The following SLC26A5 variants were observed in gnomAD, a reference collection of about 807,000 sequenced individuals.
SLC26A5 encodes the protein solute carrier family 26 member 5.
SLC26A5 carries 51 observed loss-of-function variants against 81.0 expected under a neutral mutation model. The ratio of observed to expected loss-of-function variants is 0.63; its 90% CI spans 0.50 to 0.80. SLC26A5 has a LOEUF of 0.80. Ranked by LOEUF, SLC26A5 falls within the 30% of genes least tolerant of loss-of-function variation. The pLI, the probability that SLC26A5 is intolerant of heterozygous loss-of-function variation, is 0.00. For synonymous variants in SLC26A5, 325 were observed against 332.8 expected (o/e 0.98, Z 0.25); for missense variants, 771 against 905.8 (o/e 0.85, Z 1.91).
At chr7:103,438,553 A>AT (rs1192455710) in intron 2 of SLC26A5, among the ~76,000 whole-genome samples, 1 of 152,050 alleles carries the variant, frequency 6.6e-6, no homozygotes, top group Non-Finnish European at 1.5e-5. Flanking sequence ...GGGTTTCACC[A>AT]TGTTGGCCTG....
At chr7:103,397,107 A>G (rs1317266871) in intron 9 of SLC26A5, among the ~76,000 whole-genome samples, 1 of 147,626 alleles carries the variant, frequency 6.8e-6, no homozygotes, top group African/African-American at 2.5e-5. Context: ...AAAAAAAGAA[A>G]AAAAAAAAAA....
intron 9 of SLC26A5, among the ~76,000 whole-genome samples, chr7:103,395,523 A>AT (rs377224135): frequency 6.6e-4 from 14 of 21,270 alleles, no homozygotes; most frequent in African/African-American, 2.4e-3. Context: ...ATATATATAA[A>AT]TTTTTTTTTT....
intron 19 of SLC26A5, chr7:103,364,069 CTT>C: frequency 7.1e-7 from 1 of 1,415,438 alleles, no homozygotes; most frequent in South Asian, 1.4e-5. Flanking sequence ...CATAAAAGCA[CTT>C]TGTTGATTTA....
intron 8 of SLC26A5, among the ~76,000 whole-genome samples, chr7:103,401,160 C>A (rs1436513791): frequency 6.6e-6 from 1 of 152,256 alleles, no homozygotes; most frequent in Non-Finnish European, 1.5e-5. Flanking sequence ...TTACTTTGGG[C>A]AGTATGACCA....
chr7:103,423,923 C>T (rs1825538982), intron 2 of SLC26A5, among the ~76,000 whole-genome samples: 2 of 152,186 alleles, frequency 1.3e-5, no homozygotes, highest in African/African-American at 4.8e-5. Flanking sequence ...GGCCACCTCT[C>T]ATCTAGCTCT....
intron 18 of SLC26A5, 29 bp downstream of exon 18, chr7:103,377,570 T>C: frequency 6.2e-7 from 1 of 1,604,062 alleles, no homozygotes; most frequent in Non-Finnish European, 8.5e-7. Flanking sequence ...CATAGAGGTA[T>C]TAAATGACTC....
chr7:103,381,086 C>G (rs62638824), intron 14 of SLC26A5, among the ~76,000 whole-genome samples: 19,652 of 151,178 alleles, frequency 0.13, 1,399 homozygotes, highest in South Asian at 0.17. Flanking sequence ...CACTACATAC[C>G]ACACATATAC....
chr7:103,387,345 A>T (rs1300325437), intron 14 of SLC26A5, among the ~76,000 whole-genome samples: 1 of 152,204 alleles, frequency 6.6e-6, no homozygotes, highest in East Asian at 1.9e-4. Flanking sequence ...TAAGGGGTCA[A>T]CATCCTCATA....
intron 14 of SLC26A5, among the ~76,000 whole-genome samples, chr7:103,384,173 A>T (rs929866177): frequency 1.3e-5 from 2 of 151,988 alleles, no homozygotes; most frequent in African/African-American, 4.8e-5. Flanking sequence ...TGGTAGAGGC[A>T]TGGTCTTATT....
At chr7:103,425,554 AATT>A (rs1387735800) in intron 2 of SLC26A5, among the ~76,000 whole-genome samples, 1 of 152,216 alleles carries the variant, frequency 6.6e-6, no homozygotes, top group African/African-American at 2.4e-5. Flanking sequence ...ATGTTGAAGA[AATT>A]AATACTGAAT....
intron 14 of SLC26A5, among the ~76,000 whole-genome samples, chr7:103,388,052 T>C (rs1822338241): frequency 6.6e-6 from 1 of 152,108 alleles, no homozygotes; most frequent in South Asian, 2.1e-4. Context: ...AGGTGTTTTT[T>C]TGTTTGTTTG....
chr7:103,443,259 G>A (rs573032435), intron 1 of SLC26A5, 48 bp from the exon 2 acceptor site: 1 of 152,220 alleles, frequency 6.6e-6, no homozygotes, highest in African/African-American at 2.4e-5. Context: ...TTGTTGGTTT[G>A]TTTTTTGAAA....
chr7:103,355,731 A>G (rs201584289), intron 19 of SLC26A5: 1 of 1,614,078 alleles, frequency 6.2e-7, no homozygotes, highest in Non-Finnish European at 8.5e-7. Context: ...CCCCACCAGC[A>G]CTCTGGGATT....
At chr7:103,356,144 A>G (rs564109423) in intron 19 of SLC26A5, among the ~76,000 whole-genome samples, 1 of 152,096 alleles carries the variant, frequency 6.6e-6, no homozygotes, top group East Asian at 1.9e-4. Flanking sequence ...ATGCAAAGAA[A>G]CATATCCTGA....
intron 10 of SLC26A5, among the ~76,000 whole-genome samples, chr7:103,392,585 A>T (rs1030332004): frequency 4.6e-5 from 7 of 151,828 alleles, no homozygotes; most frequent in African/African-American, 9.7e-5. Flanking sequence ...TTATTTATTT[A>T]TTTTTTTTCT....
intron 19 of SLC26A5, among the ~76,000 whole-genome samples, chr7:103,376,201 G>A (rs1332921922): frequency 6.6e-6 from 1 of 151,602 alleles, no homozygotes; most frequent in Non-Finnish European, 1.5e-5. Flanking sequence ...TCAGCCTCCC[G>A]AGTAGCTGGG....
At chr7:103,382,659 TC>T (rs1821895745) in intron 14 of SLC26A5, among the ~76,000 whole-genome samples, 1 of 152,104 alleles carries the variant, frequency 6.6e-6, no homozygotes, top group African/African-American at 2.4e-5. Flanking sequence ...TGCCCCTAAT[TC>T]CTAACTCTTT....
chr7:103,395,670 G>A (rs758776881), intron 9 of SLC26A5, among the ~76,000 whole-genome samples: 11 of 150,860 alleles, frequency 7.3e-5, no homozygotes, highest in Non-Finnish European at 1.5e-4. Context: ...ACAGGCACCC[G>A]CCACCATGCC....
intron 2 of SLC26A5, among the ~76,000 whole-genome samples, chr7:103,423,445 T>G (rs1379236880): frequency 6.6e-6 from 1 of 152,196 alleles, no homozygotes; most frequent in Non-Finnish European, 1.5e-5. Context: ...ATGTTATGGT[T>G]TGACTGTTTT....
Sources: allele counts gnomAD v4.1 joint callset (sites outside exome capture counted in the v4.1 genomes callset), GRCh38; gene constraint gnomAD v4.1.1; transcripts MANE v1.5; gene names NCBI Gene and HGNC (gene_info 2026-07-23, HGNC 2026-07-21).